The following FAT3 variants were observed in gnomAD, a reference collection of about 807,000 sequenced individuals.
The protein encoded by FAT3 is FAT atypical cadherin 3.
FAT3 carries 95 observed loss-of-function variants against 310.2 expected under a neutral mutation model. That is an observed-to-expected ratio of 0.31 (90% CI 0.26 to 0.36). The LOEUF (loss-of-function observed/expected upper bound fraction) is 0.36. Ranked by LOEUF, FAT3 falls within the 10% of genes least tolerant of loss-of-function variation. The probability of loss-of-function intolerance (pLI) is 1.00; values close to 1 mark genes in which losing one functional copy is unlikely to be tolerated. For missense variants in FAT3, 5,408 were observed against 5,715.6 expected (o/e 0.95, Z 1.74); for synonymous variants, 2,314 against 2,192.9 (o/e 1.06, Z -1.54).
intron 3 of FAT3, among the ~76,000 whole-genome samples, chr11:92,569,373 C>T (rs1307591751): frequency 2.0e-5 from 3 of 152,164 alleles, no homozygotes; most frequent in Non-Finnish European, 4.4e-5. Flanking sequence ...AATGCATAGT[C>T]TATGCAATCA....
At chr11:92,881,011 T>G in intron 23 of FAT3, 127 bp downstream of exon 23, 9 of 1,028,754 alleles carry the variant, frequency 8.7e-6, no homozygotes, top group East Asian at 2.4e-5. Context: ...ATCTGCACGA[T>G]ACGTATAAGG....
intron 2 of FAT3, among the ~76,000 whole-genome samples, chr11:92,456,460 CTG>C (rs955151601): frequency 1.3e-5 from 2 of 152,106 alleles, no homozygotes; most frequent in Non-Finnish European, 2.9e-5. Context: ...TCCAGTGACT[CTG>C]TTAAAAAAAT....
rs201507634 is a variant in FAT3, at chr11:92,800,569, G to A, written c.7556G>A (p.Arg2519Gln). The change falls in exon 10 of 28, where the codon CGA (arginine) becomes CAA (glutamine). Residue 2519 changes from arginine (R) to glutamine (Q), a missense_variant. Around this residue, in one of 5 missense-constraint regions of FAT3, gnomAD observed 4,588 missense variants for 4,809.8 expected, o/e 0.95. Coordinates refer to ENST00000525166, the MANE Select transcript of FAT3 (RefSeq NM_001367949.2). ...VAAGTKVIHVRATDGDPGTYG... is the reference protein window; with the variant it reads ...VAAGTKVIHVQATDGDPGTYG... ...GCAGGAACAAAGGTAATTCATGTTC[G>A]AGCCACAGATGGTGATCCAGGGACT... 1,468 of 1,613,704 alleles carry A rather than the reference G, an allele frequency of 9.1e-4. 9 individuals carry two copies. Among genetic ancestry groups the A allele is most frequent in the South Asian group, 5.4e-3 (492 of 91,004 alleles).
intron 19 of FAT3, among the ~76,000 whole-genome samples, chr11:92,846,550 A>G (rs2136297007): frequency 6.6e-6 from 1 of 152,304 alleles, no homozygotes; most frequent in South Asian, 2.1e-4. Flanking sequence ...CAGGGAGCAG[A>G]CTGAATAATT....
intron 1 of FAT3, among the ~76,000 whole-genome samples, chr11:92,283,272 C>T (rs1391249517): frequency 6.6e-6 from 1 of 152,144 alleles, no homozygotes; most frequent in East Asian, 1.9e-4. Flanking sequence ...AAGTTTTGCC[C>T]ATGAGTGAAG....
At position 92,879,451 on chromosome 11, in the gene FAT3, C is replaced by T. The variant is rs187939861; in HGVS notation, c.12128-1280C>T. Among the ~76,000 whole-genome samples the T allele has an allele frequency of 9.9e-5, 15 of 152,168 alleles. No individual in the cohort carries two copies. In the South Asian group the frequency reaches 1.0e-3, roughly 10 times the overall value. ...CAGAGGCAACTAAACTCGGAGAGACCGGGTTGGTGAAGAGTTTCTAGTTAA... is the reference window on the plus strand; with the variant it reads ...CAGAGGCAACTAAACTCGGAGAGACTGGGTTGGTGAAGAGTTTCTAGTTAA... On this transcript the variant is annotated intron_variant, in intron 22 of 27. Transcript: ENST00000525166.
At chr11:92,714,117 T>G (rs1944604483) in intron 4 of FAT3, among the ~76,000 whole-genome samples, 1 of 152,110 alleles carries the variant, frequency 6.6e-6, no homozygotes, top group Admixed American at 6.5e-5. Flanking sequence ...TTTTCTTTAT[T>G]TTTTTTATAG....
chr11:92,600,770 T>A (rs1389840044), intron 3 of FAT3, among the ~76,000 whole-genome samples: 3 of 151,738 alleles, frequency 2.0e-5, no homozygotes, highest in Non-Finnish European at 4.4e-5. Flanking sequence ...GGAAAAAAAA[T>A]AAGACAGAAA....
chr11:92,793,048 A>G, intron 9 of FAT3, 71 bp downstream of exon 9: 7 of 1,481,986 alleles, frequency 4.7e-6, no homozygotes, highest in Non-Finnish European at 6.4e-6. Flanking sequence ...ATTTATCACC[A>G]TGTAAAATTC....
chr11:92,700,789 C>T (rs560034745), intron 4 of FAT3, among the ~76,000 whole-genome samples: 114 of 152,180 alleles, frequency 7.5e-4, no homozygotes, highest in Middle Eastern at 6.8e-3. Context: ...TCCCTTTGTC[C>T]TCTCTCTCTT....
chr11:92,870,904 C>T (rs1386141356), intron 22 of FAT3, among the ~76,000 whole-genome samples: 1 of 152,182 alleles, frequency 6.6e-6, no homozygotes, highest in African/African-American at 2.4e-5. Flanking sequence ...CCACAGTACT[C>T]TGAGGTCAAT....
intron 3 of FAT3, among the ~76,000 whole-genome samples, chr11:92,566,067 A>G (rs1017172912): frequency 1.3e-5 from 2 of 152,212 alleles, no homozygotes; most frequent in African/African-American, 4.8e-5. Context: ...AATAAAGGGT[A>G]TTCAATTAGG....
chr11:92,698,315 G>A (rs188794233), intron 4 of FAT3, among the ~76,000 whole-genome samples: 1 of 152,240 alleles, frequency 6.6e-6, no homozygotes, highest in East Asian at 1.9e-4. Flanking sequence ...CAAATCTGAT[G>A]ATAGAATCTC....
intron 13 of FAT3, among the ~76,000 whole-genome samples, chr11:92,811,107 C>T (rs764968365): frequency 6.6e-6 from 1 of 152,098 alleles, no homozygotes; most frequent in Admixed American, 6.5e-5. Flanking sequence ...ATTTTCAAGG[C>T]TGAGAACCAA....
At chr11:92,300,338 G>C (rs1946964810) in intron 1 of FAT3, among the ~76,000 whole-genome samples, 1 of 152,122 alleles carries the variant, frequency 6.6e-6, no homozygotes, top group South Asian at 2.1e-4. Context: ...GTTCCTGTGA[G>C]AGTTTGGGTG....
At chr11:92,339,103 A>G (rs1417067000) in intron 1 of FAT3, among the ~76,000 whole-genome samples, 1 of 152,192 alleles carries the variant, frequency 6.6e-6, no homozygotes, top group Non-Finnish European at 1.5e-5. Flanking sequence ...ATCCTTCCCA[A>G]TATAGTTGAA....
intron 4 of FAT3, among the ~76,000 whole-genome samples, chr11:92,704,261 G>C (rs1175033420): frequency 6.6e-6 from 1 of 152,136 alleles, no homozygotes; most frequent in African/African-American, 2.4e-5. Flanking sequence ...ACTCTGGCCT[G>C]CCCCATCCAC....
At chr11:92,539,340 C>A (rs1467905160) in intron 3 of FAT3, among the ~76,000 whole-genome samples, 1 of 152,114 alleles carries the variant, frequency 6.6e-6, no homozygotes, top group African/African-American at 2.4e-5. Flanking sequence ...TCCAAATTCT[C>A]ACTTTTATAC....
At chr11:92,826,840 A>T (rs1279505932) in intron 13 of FAT3, among the ~76,000 whole-genome samples, 1 of 152,224 alleles carries the variant, frequency 6.6e-6, no homozygotes, top group Non-Finnish European at 1.5e-5. Flanking sequence ...TGAATGTCAG[A>T]GACAAGACCC....
Sources: gnomAD v4.1 joint callset for allele counts (sites outside exome capture counted in the v4.1 genomes callset) on GRCh38, gnomAD v4.1.1 for gene constraint, gnomAD v4.1.1 regional missense constraint, MANE v1.5 for transcripts, NCBI Gene and HGNC (gene_info 2026-07-23, HGNC 2026-07-21) for gene names.